The following ST6GALNAC5 variants were observed in gnomAD, a reference collection of about 807,000 sequenced individuals.
The protein encoded by ST6GALNAC5 is alpha-N-acetylgalactosaminide alpha-2,6-sialyltransferase 5.
ST6GALNAC5 carries 27 observed loss-of-function variants against 33.6 expected under a neutral mutation model. The ratio of observed to expected loss-of-function variants is 0.80; its 90% CI spans 0.59 to 1.11. The LOEUF is 1.11. Ranked by LOEUF, ST6GALNAC5 falls within the 50% of genes least tolerant of loss-of-function variation. ST6GALNAC5 has a pLI of 0.00. For synonymous variants in ST6GALNAC5, 194 were observed against 171.2 expected, an observed-to-expected ratio of 1.13 and a Z score of -1.04; for missense variants, 428 against 454.0, an observed-to-expected ratio of 0.94 and a Z score of 0.52.
In ST6GALNAC5 at chr1:76,868,589, C is replaced by T. The variant is rs141407807; in HGVS notation, c.108C>T (p.Pro36=). The T allele has an allele frequency of 1.9e-4, 303 of 1,610,310 alleles. 1 individual carries two copies. Among genetic ancestry groups the T allele is most frequent in the Admixed American group, 4.0e-4 (24 of 59,890 alleles). ...GCCTCGGCGGCCAGAAGGAGCGGCC[C>T]CCGCAGCAGCAGCAGCAGCAGCAGC... ...YSSLGGQKER[P]PQQQQQQQQQ... Residue 36 remains proline (P), a synonymous_variant, in exon 2 of 5, where the codon CCC becomes CCT. Transcript: ENST00000477717. The surrounding 1 kb of genome is among the most constrained non-coding windows in gnomAD (Gnocchi z 4.3).
At position 76,868,585 on chromosome 1, in the gene ST6GALNAC5, G is replaced by T. The variant is rs767913475; in HGVS notation, c.104G>T (p.Arg35Leu). The stretch of plus-strand genomic sequence containing the variant: ...AGCAGCCTCGGCGGCCAGAAGGAGC[G>T]GCCCCCGCAGCAGCAGCAGCAGCAG... ...VYSSLGGQKERPPQQQQQQQQ... is the reference protein window; with the variant it reads ...VYSSLGGQKELPPQQQQQQQQ... The change falls in exon 2 of 5, where the codon CGG becomes CTG. Residue 35 changes from arginine to leucine, a missense_variant. By Grantham distance (102) the Arg-to-Leu change is moderately radical. Transcript: ENST00000477717. This position sits in a 1 kb window ranked among gnomAD's most constrained non-coding sequence, Gnocchi z 4.3. 1 of 1,611,826 alleles carries T rather than the reference G, an allele frequency of 6.2e-7. No homozygotes were observed. The highest frequency in any genetic ancestry group is 8.5e-7 in the Non-Finnish European group (1 of 1,179,480).
chr1:76,877,352 T>C (rs1264415988), intron 2 of ST6GALNAC5, among the ~76,000 whole-genome samples: 1 of 152,182 alleles, frequency 6.6e-6, no homozygotes, highest in African/African-American at 2.4e-5. Flanking sequence ...CCTGAGCCTG[T>C]TGCAGAGCCT....
intron 2 of ST6GALNAC5, among the ~76,000 whole-genome samples, chr1:76,984,702 G>A (rs1230572100): frequency 6.6e-6 from 1 of 152,122 alleles, no homozygotes; most frequent in African/African-American, 2.4e-5. Context: ...GGCTGGCAGA[G>A]ACACAACAGA....
intron 4 of ST6GALNAC5, among the ~76,000 whole-genome samples, chr1:77,055,619 C>T (rs892966312): frequency 2.0e-5 from 3 of 152,196 alleles, no homozygotes; most frequent in African/African-American, 7.2e-5. Context: ...AGAGCCAATG[C>T]TCTTAATCCT....
chr1:77,004,280 G>A (rs1188346769), intron 2 of ST6GALNAC5, among the ~76,000 whole-genome samples: 22 of 148,884 alleles, frequency 1.5e-4, no homozygotes, highest in Non-Finnish European at 2.5e-4. Flanking sequence ...CCAGTTGATC[G>A]CATCAGCTCC....
chr1:77,041,477 G>A (rs759840719), intron 2 of ST6GALNAC5, among the ~76,000 whole-genome samples: 4 of 152,326 alleles, frequency 2.6e-5, no homozygotes, highest in South Asian at 2.1e-4. Flanking sequence ...TGCCTGGTAC[G>A]TAATAGGAAT....
chr1:76,900,458 A>G (rs1646806779), intron 2 of ST6GALNAC5, among the ~76,000 whole-genome samples: 1 of 152,206 alleles, frequency 6.6e-6, no homozygotes, highest in Admixed American at 6.5e-5. Context: ...GTTACAATAC[A>G]CTGGGATATA....
chr1:76,968,153 C>T (rs540787390), intron 2 of ST6GALNAC5, among the ~76,000 whole-genome samples: 22 of 152,100 alleles, frequency 1.4e-4, no homozygotes, highest in Middle Eastern at 3.4e-3. Flanking sequence ...CCTTCTGTCT[C>T]GTTGATCTGT....
intron 2 of ST6GALNAC5, among the ~76,000 whole-genome samples, chr1:77,016,528 C>T (rs925220082): frequency 6.6e-6 from 1 of 151,650 alleles, no homozygotes; most frequent in Non-Finnish European, 1.5e-5. Context: ...TCCCCCAACC[C>T]CCTGCCCCCT....
intron 2 of ST6GALNAC5, among the ~76,000 whole-genome samples, chr1:76,994,657 T>C (rs1015317912): frequency 6.6e-6 from 1 of 152,222 alleles, no homozygotes; most frequent in African/African-American, 2.4e-5. Context: ...GTTGCTATTA[T>C]GGGTCGCCAA....
chr1:77,010,106 T>G (rs1016186051), intron 2 of ST6GALNAC5, among the ~76,000 whole-genome samples: 6 of 152,208 alleles, frequency 3.9e-5, no homozygotes, highest in Non-Finnish European at 7.3e-5. Flanking sequence ...TGATTTACTG[T>G]GTCTGTCTTA....
intron 2 of ST6GALNAC5, among the ~76,000 whole-genome samples, chr1:76,915,454 T>C (rs138283713): frequency 0.036 from 5,540 of 152,122 alleles, 350 homozygotes; most frequent in African/African-American, 0.13. Flanking sequence ...AAATGTCCAA[T>C]GATGATAGAC....
intron 2 of ST6GALNAC5, among the ~76,000 whole-genome samples, chr1:76,914,380 C>G (rs1432421178): frequency 6.6e-6 from 1 of 152,158 alleles, no homozygotes; most frequent in African/African-American, 2.4e-5. Flanking sequence ...CCCGCATCGC[C>G]AAGTCAATCC....
intron 2 of ST6GALNAC5, among the ~76,000 whole-genome samples, chr1:76,991,793 C>T (rs1296249287): frequency 6.6e-6 from 1 of 151,948 alleles, no homozygotes; most frequent in Non-Finnish European, 1.5e-5. Flanking sequence ...AAAACTAACT[C>T]ATTATCTTAA....
chr1:76,887,701 T>G (rs1404393649), intron 2 of ST6GALNAC5, among the ~76,000 whole-genome samples: 1 of 152,244 alleles, frequency 6.6e-6, no homozygotes, highest in East Asian at 1.9e-4. Context: ...TTGCTCATTT[T>G]TATTATTTTG....
chr1:76,910,887 A>G (rs1302139920), intron 2 of ST6GALNAC5, among the ~76,000 whole-genome samples: 2 of 152,070 alleles, frequency 1.3e-5, no homozygotes, highest in East Asian at 3.9e-4. Context: ...AGGCAAAAAA[A>G]AAAAGAGCAT....
chr1:76,907,109 T>G (rs1040763477), intron 2 of ST6GALNAC5, among the ~76,000 whole-genome samples: 2 of 152,112 alleles, frequency 1.3e-5, no homozygotes, highest in Non-Finnish European at 2.9e-5. Flanking sequence ...CTTTCAACAT[T>G]CTGCTAACAA....
At chr1:77,020,643 T>C (rs2100435791) in intron 2 of ST6GALNAC5, among the ~76,000 whole-genome samples, 1 of 152,270 alleles carries the variant, frequency 6.6e-6, no homozygotes, top group Non-Finnish European at 1.5e-5. Context: ...TCAAGAAATC[T>C]GCCCACCTCA....
chr1:76,935,405 A>C (rs1179121911), intron 2 of ST6GALNAC5, among the ~76,000 whole-genome samples: 1 of 152,030 alleles, frequency 6.6e-6, no homozygotes, highest in African/African-American at 2.4e-5. Flanking sequence ...AGTGAGCTCT[A>C]TTCTGGAGTT....
Sources: allele counts gnomAD v4.1 joint callset (sites outside exome capture counted in the v4.1 genomes callset), GRCh38; gene constraint gnomAD v4.1.1; non-coding constraint Gnocchi (gnomAD v3.1); transcripts MANE v1.5; gene names NCBI Gene and HGNC (gene_info 2026-07-23, HGNC 2026-07-21).